The following POU3F3 variants were observed in gnomAD, a reference collection of about 807,000 sequenced individuals.
POU3F3 encodes POU domain, class 3, transcription factor 3.
POU3F3 carries 1 observed loss-of-function variant against 8.6 expected under a neutral mutation model. That is an observed-to-expected ratio of 0.12 (90% CI 0.04 to 0.55). The LOEUF is 0.55. Among genes scored for constraint, POU3F3 ranks in the 20% least tolerant of loss-of-function variants. POU3F3 has a pLI of 0.91. For synonymous variants in POU3F3, 418 were observed against 327.4 expected, an observed-to-expected ratio of 1.28 and a Z score of -2.99; for missense variants, 577 against 690.7, an observed-to-expected ratio of 0.84 and a Z score of 1.84.
chr2:104,882,116 A>G, the POU3F3 span, among the ~76,000 whole-genome samples: 3 of 152,174 alleles, frequency 2.0e-5, no homozygotes, highest in African/African-American at 7.2e-5. Flanking sequence ...ATATATGCAG[A>G]GTGTTTCAAA....
chr2:104,892,003 G>A, the POU3F3 span, among the ~76,000 whole-genome samples: 9 of 152,270 alleles, frequency 5.9e-5, no homozygotes, highest in South Asian at 1.0e-3. Flanking sequence ...GGAGACATTC[G>A]TAGCAAAATT....
At chr2:104,916,420 C>A in the POU3F3 span, among the ~76,000 whole-genome samples, 1 of 152,098 alleles carries the variant, frequency 6.6e-6, no homozygotes, top group Non-Finnish European at 1.5e-5. Context: ...CTGGGTGTGG[C>A]TTACCTGCGT....
At chr2:104,924,091 A>G in the POU3F3 span, among the ~76,000 whole-genome samples, 1 of 152,200 alleles carries the variant, frequency 6.6e-6, no homozygotes, top group Non-Finnish European at 1.5e-5. Context: ...CACAACATAA[A>G]TGTACTTAAT....
chr2:104,917,264 C>T, the POU3F3 span, among the ~76,000 whole-genome samples: 4 of 152,304 alleles, frequency 2.6e-5, no homozygotes, highest in East Asian at 1.9e-4. Flanking sequence ...TGCATAGATA[C>T]GTATGGCTCT....
the POU3F3 span, among the ~76,000 whole-genome samples, chr2:104,884,423 G>A: frequency 5.9e-5 from 9 of 152,206 alleles, no homozygotes; most frequent in African/African-American, 2.2e-4. Flanking sequence ...CACCGCAGGG[G>A]ACCACTGTGA....
the POU3F3 span, among the ~76,000 whole-genome samples, chr2:104,887,324 G>A: frequency 1.3e-5 from 2 of 152,172 alleles, no homozygotes; most frequent in South Asian, 2.1e-4. Flanking sequence ...AGCCCAGTAG[G>A]TTTCAGCCTC....
At chr2:104,895,625 G>A in the POU3F3 span, among the ~76,000 whole-genome samples, 1 of 152,112 alleles carries the variant, frequency 6.6e-6, no homozygotes, top group Non-Finnish European at 1.5e-5. Context: ...AAAAACAGAA[G>A]AGCCACAAGA....
At chr2:104,912,577 G>C in the POU3F3 span, among the ~76,000 whole-genome samples, 3 of 152,162 alleles carry the variant, frequency 2.0e-5, no homozygotes, top group African/African-American at 7.2e-5. Flanking sequence ...CTTATCTTTA[G>C]GGTTTGAAGA....
At chr2:104,919,844 C>G in the POU3F3 span, among the ~76,000 whole-genome samples, 22 of 151,828 alleles carry the variant, frequency 1.4e-4, no homozygotes, top group African/African-American at 5.3e-4. Context: ...CCTCCTTTCT[C>G]TCTCTCTCTT....
the POU3F3 span, among the ~76,000 whole-genome samples, chr2:104,905,012 C>T: frequency 6.6e-6 from 1 of 152,172 alleles, no homozygotes; most frequent in South Asian, 2.1e-4. Flanking sequence ...CTGGTATCAA[C>T]CCCATGGGTA....
chr2:104,868,069 T>A, the POU3F3 span: 1 of 358,040 alleles, frequency 2.8e-6, no homozygotes, highest in Non-Finnish European at 5.5e-6. Context: ...ACCGGGAGAC[T>A]GGAAGAGTTG....
chr2:104,898,461 ATC>A, the POU3F3 span, among the ~76,000 whole-genome samples: 8 of 152,222 alleles, frequency 5.3e-5, no homozygotes, highest in African/African-American at 1.9e-4. Context: ...CAATTATGCT[ATC>A]AAGCTTAATG....
At chr2:104,892,865 T>C in the POU3F3 span, among the ~76,000 whole-genome samples, 1 of 151,964 alleles carries the variant, frequency 6.6e-6, no homozygotes, top group South Asian at 2.1e-4. Flanking sequence ...GGCTGGCCGA[T>C]TCATGCTTTA....
the POU3F3 span, among the ~76,000 whole-genome samples, chr2:104,868,975 A>G: frequency 6.6e-6 from 1 of 152,236 alleles, no homozygotes; most frequent in African/African-American, 2.4e-5. Flanking sequence ...GAACAACATT[A>G]CATAAACCCT....
Position 104,856,509 on chromosome 2 carries a change from C to T in POU3F3, c.999C>T (p.Arg333=). The T allele has an allele frequency of 1.2e-6, 2 of 1,613,982 alleles. No individual in the cohort carries two copies. The highest frequency in any genetic ancestry group is 1.7e-6 in the Non-Finnish European group (2 of 1,179,996). The change falls in exon 1 of 1, where the codon CGC becomes CGT. Residue 333 remains arginine, a synonymous_variant. Transcript: ENST00000361360. ...EQFAKQFKQR[R]IKLGFTQADV... ...TCGCCAAGCAGTTCAAGCAGCGGCG[C>T]ATCAAGCTGGGCTTCACGCAGGCCG...
downstream of POU3F3, among the ~76,000 whole-genome samples, chr2:104,860,585 A>C (rs1385825870): frequency 2.0e-5 from 3 of 151,940 alleles, no homozygotes; most frequent in Non-Finnish European, 4.4e-5. Context: ...CTGTTCCATC[A>C]GCCTTGCTAA....
At chr2:104,908,205 T>A in the POU3F3 span, among the ~76,000 whole-genome samples, 1 of 152,332 alleles carries the variant, frequency 6.6e-6, no homozygotes, top group South Asian at 2.1e-4. Context: ...AATATTTTAT[T>A]CAGGATCTTT....
chr2:104,857,036 GGCCGCCGCC>G lies in POU3F3; in HGVS notation c.*33_*41del, dbSNP rs748277563. ...TGAAGCCAGGGCGCAGAGCGAAGAG[GGCCGCCGCC>G]GCCGCCGCCTCCGCAGCCGCCGTCA... On this transcript the variant is annotated 3_prime_UTR_variant, in exon 1 of 1. Transcript: ENST00000361360. The G allele has an allele frequency of 7.6e-6, 11 of 1,454,844 alleles. No individual in the cohort carries two copies. Among genetic ancestry groups the G allele is most frequent in the East Asian group, 2.6e-5 (1 of 37,982 alleles). 90.1% of individuals were successfully genotyped at this position (1,454,844 alleles called of 1,614,324 possible).
chr2:104,910,434 C>T, the POU3F3 span, among the ~76,000 whole-genome samples: 5 of 152,136 alleles, frequency 3.3e-5, no homozygotes, highest in African/African-American at 1.2e-4. Context: ...TCAATGGGCC[C>T]TTGCATTCTC....
Sources: allele counts gnomAD v4.1 joint callset (sites outside exome capture counted in the v4.1 genomes callset), GRCh38; gene constraint gnomAD v4.1.1; transcripts MANE v1.5; gene names NCBI Gene and HGNC (gene_info 2026-07-23, HGNC 2026-07-21).